Variants in DLG2 observed in about 807,000 individuals in gnomAD.
The protein encoded by DLG2 is disks large homolog 2.
DLG2 carries 45 observed loss-of-function variants against 132.5 expected under a neutral mutation model. The observed-to-expected ratio is 0.34, with a 90% CI of 0.27 to 0.44. DLG2 has a LOEUF of 0.44. Among genes scored for constraint, DLG2 ranks in the 20% least tolerant of loss-of-function variants. DLG2 has a pLI of 1.00. For missense variants in DLG2, 1,045 were observed against 1,196.9 expected, an observed-to-expected ratio of 0.87 and a Z score of 1.87; for synonymous variants, 424 against 419.6, an observed-to-expected ratio of 1.01 and a Z score of -0.13.
intron 3 of DLG2, among the ~76,000 whole-genome samples, chr11:85,449,404 T>C (rs2092144363): frequency 6.6e-6 from 1 of 152,008 alleles, no homozygotes; most frequent in African/African-American, 2.4e-5. Flanking sequence ...CATTAATTTA[T>C]AATTTTCTTT....
chr11:83,673,935 C>T (rs1347396738), intron 18 of DLG2, among the ~76,000 whole-genome samples: 4 of 152,244 alleles, frequency 2.6e-5, no homozygotes, highest in Admixed American at 2.6e-4. Context: ...AATCCCTGAC[C>T]TGTCTTTCCA....
intron 6 of DLG2, among the ~76,000 whole-genome samples, chr11:84,953,581 A>C (rs904918598): frequency 1.3e-5 from 2 of 151,980 alleles, no homozygotes; most frequent in African/African-American, 4.8e-5. Flanking sequence ...TATTCCCCTT[A>C]TCAATAAAAT....
rs369548237 is a variant in DLG2 at position 83,622,167 on chromosome 11, A to G, written c.1940+11044T>C. On this transcript the variant is annotated intron_variant, in intron 19 of 27. Coordinates refer to ENST00000376104, the MANE Select transcript of DLG2 (RefSeq NM_001142699.3). ...GGTCTTGAACTCTTGACCTCAAGTT[A>G]TCTGCCCACCCCAGCCTCCCAAAGT... Among the ~76,000 whole-genome samples the G allele has an allele frequency of 1.4e-4, 21 of 152,262 alleles. No individual in the cohort carries two copies. The East Asian group carries it at 3.9e-3, about 28-fold the overall frequency.
intron 6 of DLG2, among the ~76,000 whole-genome samples, chr11:84,541,208 T>C (rs960059275): frequency 1.3e-5 from 2 of 149,798 alleles, no homozygotes; most frequent in African/African-American, 2.5e-5. Flanking sequence ...ATAATAATAA[T>C]AATAATAAAG....
intron 7 of DLG2, among the ~76,000 whole-genome samples, chr11:84,509,328 C>T (rs1295538858): frequency 5.3e-5 from 8 of 152,320 alleles, no homozygotes; most frequent in African/African-American, 1.9e-4. Context: ...AAGGAAATTA[C>T]AATCCTCAAG....
chr11:83,937,708 T>C (rs1360255984), intron 14 of DLG2, among the ~76,000 whole-genome samples: 2 of 151,850 alleles, frequency 1.3e-5, no homozygotes, highest in Non-Finnish European at 2.9e-5. Flanking sequence ...AAATGACAAA[T>C]ACACACACAC....
chr11:83,997,121 TA>T (rs61167925), intron 11 of DLG2, among the ~76,000 whole-genome samples: 12,356 of 148,816 alleles, frequency 0.083, 573 homozygotes, highest in African/African-American at 0.12. Context: ...AAACTAAAAG[TA>T]AAAAAAAAAA....
rs1285735486 is a variant in DLG2, at chr11:84,244,391, G to A, written c.573+6847C>T. 5.3e-5 allele frequency among the ~76,000 whole-genome samples: 8 copies of A among 152,122 alleles called. No individual in the cohort carries two copies. The South Asian group carries it at 6.2e-4, about 12-fold the overall frequency. On this transcript the variant is annotated intron_variant, in intron 8 of 27. Transcript: ENST00000376104. ...AGTAGAGACAGGGTTTCAGCATGTC[G>A]GCCAGGCTAGTCTCAAACTCCTGAC...
chr11:84,906,933 A>G (rs2091583393), intron 6 of DLG2, among the ~76,000 whole-genome samples: 1 of 152,188 alleles, frequency 6.6e-6, no homozygotes, highest in South Asian at 2.1e-4. Flanking sequence ...TTTATAATCA[A>G]TTTTCTGGGG....
intron 3 of DLG2, among the ~76,000 whole-genome samples, chr11:85,492,555 T>A (rs1334386319): frequency 6.6e-6 from 1 of 152,216 alleles, no homozygotes; most frequent in Non-Finnish European, 1.5e-5. Context: ...TATTTAACAT[T>A]TTTGTTTTGC....
chr11:84,444,759 C>G, intron 7 of DLG2, among the ~76,000 whole-genome samples: 1 of 150,906 alleles, frequency 6.6e-6, no homozygotes, highest in East Asian at 1.9e-4. Context: ...TACAATAGAG[C>G]ACTTTTATAG....
intron 7 of DLG2, chr11:84,317,134 G>T (rs2098367987): frequency 6.2e-7 from 1 of 1,612,030 alleles, no homozygotes; most frequent in Non-Finnish European, 8.5e-7. Flanking sequence ...GCTTGGTGAG[G>T]TATGCATTCA....
chr11:83,944,409 T>C (rs913127828), intron 14 of DLG2, among the ~76,000 whole-genome samples: 1 of 152,128 alleles, frequency 6.6e-6, no homozygotes, highest in Non-Finnish European at 1.5e-5. Flanking sequence ...GATCACAAAT[T>C]AAACTGAGGG....
chr11:84,650,869 G>GTATATATATATATATATATA (rs1183546230), intron 6 of DLG2, among the ~76,000 whole-genome samples: 1 of 121,658 alleles, frequency 8.2e-6, no homozygotes, highest in African/African-American at 4.0e-5. Flanking sequence ...GTGTGTGTGT[G>GTATATATATATATATATATA]TGTGTATATA....
rs923597067 is a variant in DLG2, at chr11:85,580,262, G to A, written c.40+18395C>T. ...ATTTCTTTATCAGCAGCATAAAAAC[G>A]GACTAATACAGGGCCACATGACAAG... On this transcript the variant is annotated intron_variant, in intron 3 of 27. Transcript: ENST00000376104. 9.9e-5 allele frequency among the ~76,000 whole-genome samples: 15 copies of A among 152,224 alleles called. No homozygotes were observed. In the South Asian group the frequency reaches 1.0e-3, roughly 11 times the overall value.
intron 6 of DLG2, among the ~76,000 whole-genome samples, chr11:84,928,446 A>T (rs1184601419): frequency 6.6e-6 from 1 of 151,982 alleles, no homozygotes; most frequent in African/African-American, 2.4e-5. Context: ...ACTTGTGCAC[A>T]TTGCTAGTCC....
chr11:84,923,253 T>G, intron 6 of DLG2: 1 of 1,513,190 alleles, frequency 6.6e-7, no homozygotes, highest in Non-Finnish European at 8.9e-7. Flanking sequence ...TGATCTCTGT[T>G]TTCTCTGACT....
At chr11:83,597,262 G>C (rs2057749698) in intron 19 of DLG2, among the ~76,000 whole-genome samples, 1 of 152,150 alleles carries the variant, frequency 6.6e-6, no homozygotes, top group Non-Finnish European at 1.5e-5. Flanking sequence ...TGAGCTATCT[G>C]AGAGTGGGAT....
chr11:83,825,688 A>G (rs559153778), intron 17 of DLG2, among the ~76,000 whole-genome samples: 46 of 152,274 alleles, frequency 3.0e-4, no homozygotes, highest in African/African-American at 1.1e-3. Flanking sequence ...CAGAGGGGAC[A>G]GGGCTGCTGC....
Sources: gnomAD v4.1 joint callset for allele counts (sites outside exome capture counted in the v4.1 genomes callset) on GRCh38, gnomAD v4.1.1 for gene constraint, MANE v1.5 for transcripts, NCBI Gene and HGNC (gene_info 2026-07-23, HGNC 2026-07-21) for gene names.